CYTH3: variants seen among roughly 807,000 people sequenced by gnomAD.
CYTH3 encodes the protein cytohesin-3.
In CYTH3, 23 loss-of-function variants were observed where a neutral mutation model predicts 55.1. That is an observed-to-expected ratio of 0.42 (90% CI 0.30 to 0.59). CYTH3 has a LOEUF of 0.59. CYTH3 is among the 20% of genes least tolerant of loss of function. The probability of loss-of-function intolerance (pLI) is 0.20; values close to 1 mark genes in which losing one functional copy is unlikely to be tolerated. For synonymous variants in CYTH3, 249 were observed against 194.9 expected (o/e 1.28, Z -2.31); for missense variants, 413 against 524.8 (o/e 0.79, Z 2.08).
Position 6,251,996 on chromosome 7 carries a change from C to A in CYTH3, c.34+20478G>T, listed in dbSNP as rs576269418. On this transcript the variant is annotated intron_variant, in intron 1 of 12. Transcript: ENST00000350796. ...ATGATCATTACATTGATCATAAAAA[C>A]CACTTTAAAACATAATTCATTTTCA... is the stretch of plus-strand genomic sequence containing the variant. Among the ~76,000 whole-genome samples the A allele has an allele frequency of 5.3e-5, 8 of 152,266 alleles. No individual in the cohort carries two copies. In the East Asian group the frequency reaches 1.4e-3, roughly 26 times the overall value.
intron 1 of CYTH3, chr7:6,212,742 T>G (rs558244601): frequency 1.3e-5 from 2 of 152,352 alleles, no homozygotes; most frequent in South Asian, 4.1e-4. Flanking sequence ...GGACCAGCCT[T>G]CCTTCCTTTG....
At chr7:6,165,251 C>G in intron 12 of CYTH3, 22 bp downstream of exon 12, 1 of 1,599,264 alleles carries the variant, frequency 6.3e-7, no homozygotes, top group Non-Finnish European at 8.5e-7. Context: ...GGGCCTGGCC[C>G]CGCCCCCGAG....
rs1163795846 is a variant in CYTH3, at chr7:6,169,546, T to C, written c.823+989A>G. On this transcript the variant is annotated intron_variant, in intron 9 of 12. Coordinates refer to ENST00000350796, the MANE Select transcript of CYTH3 (RefSeq NM_004227.4). This position sits in a 1 kb window ranked among gnomAD's most constrained non-coding sequence, Gnocchi z 4.1. The stretch of plus-strand genomic sequence containing the variant: ...TTAAAAAATCACCAGGATGCTCCAC[T>C]CCATGTCTCACGTGCTGCCCAGCGG... Among the ~76,000 whole-genome samples, 2 of 152,076 alleles carry C rather than the reference T, an allele frequency of 1.3e-5. No individual in the cohort carries two copies. The highest frequency in any genetic ancestry group is 2.9e-5 in the Non-Finnish European group (2 of 68,022).
intron 4 of CYTH3, among the ~76,000 whole-genome samples, chr7:6,180,679 A>G (rs1393181565): frequency 6.6e-6 from 1 of 152,238 alleles, no homozygotes; most frequent in Admixed American, 6.5e-5. Context: ...CACTAGGTAA[A>G]TACTCATAAA....
At chr7:6,237,657 C>A (rs1488506235) in intron 1 of CYTH3, among the ~76,000 whole-genome samples, 2 of 152,006 alleles carry the variant, frequency 1.3e-5, no homozygotes, top group Middle Eastern at 3.2e-3. Context: ...TGCAGTGAGC[C>A]CAGATCGCGC....
intron 1 of CYTH3, among the ~76,000 whole-genome samples, chr7:6,248,652 C>G (rs1372022473): frequency 2.6e-5 from 4 of 152,322 alleles, no homozygotes; most frequent in Admixed American, 2.6e-4. Flanking sequence ...CAAGCCCACC[C>G]CGGCTGCCCG....
intron 1 of CYTH3, among the ~76,000 whole-genome samples, chr7:6,252,029 G>T (rs2115048577): frequency 6.6e-6 from 1 of 152,306 alleles, no homozygotes; most frequent in Non-Finnish European, 1.5e-5. Context: ...TCAGCTACAG[G>T]ATGGTGATAT....
chr7:6,208,628 C>G (rs545623459), intron 1 of CYTH3, among the ~76,000 whole-genome samples: 4 of 152,348 alleles, frequency 2.6e-5, no homozygotes, highest in African/African-American at 7.2e-5. Flanking sequence ...ACCACAGCCT[C>G]CAACTCCTGG....
chr7:6,242,717 T>C (rs1183226438), intron 1 of CYTH3, among the ~76,000 whole-genome samples: 1 of 152,044 alleles, frequency 6.6e-6, no homozygotes, highest in Non-Finnish European at 1.5e-5. Context: ...TTTCAACAAG[T>C]GAAGGCCTAA....
chr7:6,188,170 G>A (rs922283621), intron 2 of CYTH3, among the ~76,000 whole-genome samples: 34 of 151,866 alleles, frequency 2.2e-4, no homozygotes, highest in Non-Finnish European at 2.9e-4. Context: ...CTACAAAAAA[G>A]AAAAACAGAA....
At chr7:6,239,992 T>G (rs573824378) in intron 1 of CYTH3, among the ~76,000 whole-genome samples, 1 of 152,304 alleles carries the variant, frequency 6.6e-6, no homozygotes, top group African/African-American at 2.4e-5. Flanking sequence ...TAAGTTAATT[T>G]ATATATTTAA....
At chr7:6,198,389 T>C (rs755894563) in intron 1 of CYTH3, among the ~76,000 whole-genome samples, 2 of 145,806 alleles carry the variant, frequency 1.4e-5, no homozygotes, top group Non-Finnish European at 3.0e-5. Context: ...GTTCTATCAG[T>C]ATCCCTCTGC....
intron 4 of CYTH3, among the ~76,000 whole-genome samples, chr7:6,185,881 C>T (rs1176886155): frequency 1.3e-5 from 2 of 151,934 alleles, no homozygotes; most frequent in East Asian, 1.9e-4. Flanking sequence ...AGATATTTAT[C>T]GAAGGAACAA....
intron 1 of CYTH3, among the ~76,000 whole-genome samples, chr7:6,239,923 C>A (rs561728927): frequency 6.6e-6 from 1 of 152,292 alleles, no homozygotes; most frequent in South Asian, 2.1e-4. Flanking sequence ...TAAGGATATA[C>A]TTTCTAATTC....
At chr7:6,268,195 G>C (rs192044548) in intron 1 of CYTH3, among the ~76,000 whole-genome samples, 12 of 152,186 alleles carry the variant, frequency 7.9e-5, no homozygotes, top group African/African-American at 2.4e-4. Context: ...TTGAGACAGG[G>C]TCTCACTCTG....
At chr7:6,180,719 A>C (rs1286253197) in intron 4 of CYTH3, among the ~76,000 whole-genome samples, 1 of 152,258 alleles carries the variant, frequency 6.6e-6, no homozygotes, top group African/African-American at 2.4e-5. Context: ...ATTATTAGAA[A>C]TGTTTACTAT....
intron 1 of CYTH3, among the ~76,000 whole-genome samples, chr7:6,263,330 G>A (rs1780402430): frequency 6.6e-6 from 1 of 152,170 alleles, no homozygotes; most frequent in African/African-American, 2.4e-5. Flanking sequence ...CTACTCACAA[G>A]CCCCTAATGA....
intron 11 of CYTH3, 25 bp downstream of exon 11, chr7:6,165,520 A>G: frequency 1.9e-6 from 3 of 1,611,980 alleles, no homozygotes; most frequent in Non-Finnish European, 2.5e-6. Flanking sequence ...CTGGCAGGAG[A>G]GAAGGTTCAG....
intron 1 of CYTH3, among the ~76,000 whole-genome samples, chr7:6,206,348 A>C (rs1437166671): frequency 5.9e-5 from 9 of 152,256 alleles, no homozygotes. Flanking sequence ...AGCCAGCCAC[A>C]GAAGACCACA....
Sources: gnomAD v4.1 joint callset for allele counts (sites outside exome capture counted in the v4.1 genomes callset) on GRCh38, gnomAD v4.1.1 for gene constraint, Gnocchi (gnomAD v3.1) non-coding constraint, MANE v1.5 for transcripts, NCBI Gene and HGNC (gene_info 2026-07-23, HGNC 2026-07-21) for gene names.